The following TBC1D19 variants were observed in gnomAD, a reference collection of about 807,000 sequenced individuals.
The protein encoded by TBC1D19 is TBC1 domain family, member 19.
TBC1D19 carries 60 observed loss-of-function variants against 89.0 expected under a neutral mutation model. The ratio of observed to expected loss-of-function variants is 0.67; its 90% CI spans 0.55 to 0.84. The LOEUF is 0.84. Among genes scored for constraint, TBC1D19 ranks in the 40% least tolerant of loss-of-function variants. The pLI is 0.00. For missense variants in TBC1D19, 500 were observed against 610.8 expected, an observed-to-expected ratio of 0.82 and a Z score of 1.91; for synonymous variants, 189 against 199.7, an observed-to-expected ratio of 0.95 and a Z score of 0.45.
intron 1 of TBC1D19, among the ~76,000 whole-genome samples, chr4:26,586,243 C>G (rs1167355875): frequency 7.5e-6 from 1 of 134,148 alleles, no homozygotes. Context: ...CCTATCCTTT[C>G]TCTGCTAATT....
At chr4:26,616,296 C>T (rs1741698223) in intron 3 of TBC1D19, among the ~76,000 whole-genome samples, 1 of 152,070 alleles carries the variant, frequency 6.6e-6, no homozygotes. Context: ...GCAGTATGTT[C>T]AGTTTATTCT....
chr4:26,742,291 G>T (rs1718418374), intron 17 of TBC1D19, among the ~76,000 whole-genome samples: 1 of 152,114 alleles, frequency 6.6e-6, no homozygotes, highest in African/African-American at 2.4e-5. Flanking sequence ...AGGCTCTTTA[G>T]CACATCTGTA....
chr4:26,841,355 C>A, the TBC1D19 span, among the ~76,000 whole-genome samples: 1 of 149,412 alleles, frequency 6.7e-6, no homozygotes, highest in South Asian at 2.1e-4. Flanking sequence ...CACTGCACTC[C>A]AGCCTGGGTG....
intron 4 of TBC1D19, among the ~76,000 whole-genome samples, chr4:26,634,584 G>T (rs927109094): frequency 5.9e-5 from 9 of 152,068 alleles, no homozygotes; most frequent in African/African-American, 1.9e-4. Flanking sequence ...ATTTAATACT[G>T]CGTCTTTATG....
chr4:26,748,826 A>T (rs1380612196), intron 19 of TBC1D19, among the ~76,000 whole-genome samples: 2 of 151,954 alleles, frequency 1.3e-5, no homozygotes, highest in Non-Finnish European at 2.9e-5. Flanking sequence ...CCCAACACCT[A>T]TGAGGTCTGT....
upstream of TBC1D19, among the ~76,000 whole-genome samples, chr4:26,580,210 G>C (rs1032398756): frequency 6.6e-6 from 1 of 152,166 alleles, no homozygotes; most frequent in Non-Finnish European, 1.5e-5. Context: ...ACTCAGCCTG[G>C]ATTCAGAAAA....
chr4:26,606,232 TAGAG>T (rs1483845133), intron 1 of TBC1D19, among the ~76,000 whole-genome samples: 2 of 152,094 alleles, frequency 1.3e-5, no homozygotes, highest in African/African-American at 4.8e-5. Context: ...ATGAGTGAAA[TAGAG>T]AGGCCAGTTA....
intron 7 of TBC1D19, among the ~76,000 whole-genome samples, chr4:26,652,872 T>C (rs548305732): frequency 6.6e-6 from 1 of 152,308 alleles, no homozygotes; most frequent in East Asian, 1.9e-4. Flanking sequence ...TCTCCTTCAG[T>C]TCTTCTCTGA....
the TBC1D19 span, among the ~76,000 whole-genome samples, chr4:26,855,270 T>A: frequency 6.6e-6 from 1 of 152,228 alleles, no homozygotes; most frequent in East Asian, 1.9e-4. Flanking sequence ...CTGTAAAGAC[T>A]TCTGTGTACG....
chr4:26,676,108 A>T (rs1712779704), intron 11 of TBC1D19, among the ~76,000 whole-genome samples: 1 of 152,224 alleles, frequency 6.6e-6, no homozygotes, highest in Non-Finnish European at 1.5e-5. Context: ...ACTGATAACA[A>T]TAGCCAAGAC....
At chr4:26,762,165 G>C in the TBC1D19 span, among the ~76,000 whole-genome samples, 1 of 151,990 alleles carries the variant, frequency 6.6e-6, no homozygotes, top group Middle Eastern at 3.2e-3. Context: ...AACAGTAGGG[G>C]AAAGTGAGAC....
chr4:26,788,880 G>A, the TBC1D19 span, among the ~76,000 whole-genome samples: 2 of 152,220 alleles, frequency 1.3e-5, no homozygotes, highest in Admixed American at 6.5e-5. Flanking sequence ...AAGCACTTAG[G>A]GTGGGAGTCG....
At chr4:26,718,157 T>G in intron 14 of TBC1D19, 140 bp downstream of exon 14, 1 of 619,268 alleles carries the variant, frequency 1.6e-6, no homozygotes, top group Non-Finnish European at 2.7e-6. Context: ...TAATTATCCT[T>G]TCATACCTCA....
At position 26,751,093 on chromosome 4, in the gene TBC1D19, A is replaced by G. The variant is rs573786323; in HGVS notation, c.1435+2567A>G. 4.6e-5 allele frequency among the ~76,000 whole-genome samples: 7 copies of G among 152,324 alleles called. No individual in the cohort carries two copies. The East Asian group carries it at 1.4e-3, about 29-fold the overall frequency. On this transcript the variant is annotated intron_variant, in intron 19 of 20. Transcript: ENST00000264866. The stretch of plus-strand genomic sequence containing the variant: ...GCATAATTTCAGTTGAAAATATCCC[A>G]AAGTGTAGACCTTTCCTCCCTGGCA...
At chr4:26,620,461 T>C (rs1300382382) in intron 3 of TBC1D19, 152 bp from the exon 4 acceptor site, 7 of 624,348 alleles carry the variant, frequency 1.1e-5, no homozygotes, top group Non-Finnish European at 1.9e-5. Flanking sequence ...ATTTGTTGAC[T>C]ACATCAATCT....
At chr4:26,625,824 A>G (rs1742353236) in intron 4 of TBC1D19, among the ~76,000 whole-genome samples, 1 of 152,160 alleles carries the variant, frequency 6.6e-6, no homozygotes. Flanking sequence ...TTATCACATC[A>G]TATCAGGGTA....
the TBC1D19 span, among the ~76,000 whole-genome samples, chr4:26,816,060 C>T: frequency 2.0e-5 from 3 of 152,144 alleles, no homozygotes; most frequent in African/African-American, 7.2e-5. Flanking sequence ...AGGGAGCAAC[C>T]CTATAAGGCT....
At chr4:26,823,170 C>G in the TBC1D19 span, among the ~76,000 whole-genome samples, 6 of 152,206 alleles carry the variant, frequency 3.9e-5, no homozygotes, top group East Asian at 1.9e-4. Flanking sequence ...AACAGGCAAA[C>G]AGAGAGAGCT....
the TBC1D19 span, among the ~76,000 whole-genome samples, chr4:26,822,147 G>A: frequency 1.3e-5 from 2 of 152,232 alleles, no homozygotes; most frequent in Non-Finnish European, 2.9e-5. Context: ...GTCTTAAGCT[G>A]TCAGTCGCTG....
Sources: gnomAD v4.1 joint callset for allele counts (sites outside exome capture counted in the v4.1 genomes callset) on GRCh38, gnomAD v4.1.1 for gene constraint, MANE v1.5 for transcripts, NCBI Gene and HGNC (gene_info 2026-07-23, HGNC 2026-07-21) for gene names.